Variants in OVCH1 observed in about 807,000 individuals in gnomAD.
The protein encoded by OVCH1 is ovochymase 1.
Under a neutral mutation model 138.4 loss-of-function variants are expected in OVCH1, and 139 were observed. The ratio of observed to expected loss-of-function variants is 1.00; its 90% CI spans 0.87 to 1.16. The LOEUF (loss-of-function observed/expected upper bound fraction) is 1.16, where lower values mean the gene tolerates loss of function less well. Ranked by LOEUF, OVCH1 falls within the 50% of genes most tolerant of loss-of-function variation. The pLI is 0.00. For synonymous variants in OVCH1, 453 were observed against 467.8 expected (o/e 0.97, Z 0.41); for missense variants, 1,367 against 1,357.9 (o/e 1.01, Z -0.11).
chr12:29,468,369 AG>A (rs1464269357), intron 16 of OVCH1, among the ~76,000 whole-genome samples: 1 of 152,200 alleles, frequency 6.6e-6, no homozygotes, highest in Non-Finnish European at 1.5e-5. Flanking sequence ...GTGACTAACA[AG>A]TGGCTCACAA....
At chr12:29,473,625 C>T (rs1204031429) in intron 14 of OVCH1, among the ~76,000 whole-genome samples, 2 of 152,056 alleles carry the variant, frequency 1.3e-5, no homozygotes, top group Non-Finnish European at 2.9e-5. Flanking sequence ...TTACATTTCT[C>T]TATCATCTAG....
At chr12:29,463,774 T>A (rs1235402388) in intron 18 of OVCH1, among the ~76,000 whole-genome samples, 1 of 152,184 alleles carries the variant, frequency 6.6e-6, no homozygotes, top group East Asian at 1.9e-4. Flanking sequence ...GGTAGCACAG[T>A]AAGCTGTCAA....
At chr12:29,439,702 G>C (rs1941439093) in intron 25 of OVCH1, among the ~76,000 whole-genome samples, 151 bp downstream of exon 26, 2 of 152,058 alleles carry the variant, frequency 1.3e-5, no homozygotes, top group Admixed American at 6.6e-5. Context: ...TCACAAGACT[G>C]CTCTCACTCC....
At chr12:29,426,448 A>AAAG, downstream of OVCH1, among the ~76,000 whole-genome samples, 1 of 152,314 alleles carries the variant, frequency 6.6e-6, no homozygotes, top group South Asian at 2.1e-4. Context: ...GAGAAACTGA[A>AAAG]AAGTCCCAAA....
At chr12:29,443,463 T>C in exon 25 of OVCH1, 1 of 1,609,460 alleles carries the variant, frequency 6.2e-7, no homozygotes, top group Non-Finnish European at 8.5e-7. Flanking sequence ...TTAAGCTGAA[T>C]GATGTGATTT....
intron 8 of OVCH1, among the ~76,000 whole-genome samples, chr12:29,479,925 G>A (rs1942875010): frequency 6.7e-6 from 1 of 149,468 alleles, no homozygotes; most frequent in Admixed American, 6.8e-5. Flanking sequence ...CCAGGTTCAA[G>A]CGATTCTTCT....
chr12:29,481,016 C>CTGTA (rs1942913918), intron 8 of OVCH1, among the ~76,000 whole-genome samples: 1 of 152,084 alleles, frequency 6.6e-6, no homozygotes, highest in Non-Finnish European at 1.5e-5. Flanking sequence ...CTGGCAGAAT[C>CTGTA]TGTATACACT....
intron 18 of OVCH1, among the ~76,000 whole-genome samples, chr12:29,463,881 T>G (rs1942224749): frequency 6.6e-6 from 1 of 152,034 alleles, no homozygotes; most frequent in Non-Finnish European, 1.5e-5. Context: ...ACAAAGAAAA[T>G]GATCTTGTAT....
chr12:29,456,953 C>G (rs1427685260), intron 19 of OVCH1, among the ~76,000 whole-genome samples: 2 of 152,174 alleles, frequency 1.3e-5, no homozygotes, highest in Admixed American at 1.3e-4. Flanking sequence ...TAGGACCAAA[C>G]TAAGTCCTTT....
At chr12:29,473,710 C>G (rs1250379737) in intron 14 of OVCH1, among the ~76,000 whole-genome samples, 1 of 152,092 alleles carries the variant, frequency 6.6e-6, no homozygotes, top group Admixed American at 6.6e-5. Context: ...TACTGAGTGT[C>G]AACTTGATTG....
intron 22 of OVCH1, 47 bp downstream of exon 22, chr12:29,451,298 A>C: frequency 4.0e-6 from 6 of 1,492,898 alleles, no homozygotes; most frequent in Non-Finnish European, 5.5e-6. Flanking sequence ...AGCTGCCTAC[A>C]TGGACCAAGA....
chr12:29,480,414 G>T (rs370123506), intron 8 of OVCH1, among the ~76,000 whole-genome samples: 1 of 152,106 alleles, frequency 6.6e-6, no homozygotes, highest in Non-Finnish European at 1.5e-5. Context: ...TTCTCAAATT[G>T]TTCCATCATC....
intron 27 of OVCH1, among the ~76,000 whole-genome samples, chr12:29,430,606 C>G (rs1941251518): frequency 6.6e-6 from 1 of 151,952 alleles, no homozygotes; most frequent in South Asian, 2.1e-4. Flanking sequence ...AGCTGACAGT[C>G]ACAGACCTCA....
chr12:29,483,021 G>A (rs1942982730), intron 8 of OVCH1, among the ~76,000 whole-genome samples: 1 of 152,170 alleles, frequency 6.6e-6, no homozygotes, highest in African/African-American at 2.4e-5. Context: ...TTAGTTTTCA[G>A]CTCTGCAATT....
chr12:29,410,417 C>A (rs1208526815), downstream of OVCH1, among the ~76,000 whole-genome samples: 1 of 151,498 alleles, frequency 6.6e-6, no homozygotes, highest in Non-Finnish European at 1.5e-5. Flanking sequence ...ATGGTCTTTA[C>A]ATTTTGGCAT....
At chr12:29,407,000 A>C in the OVCH1 span, among the ~76,000 whole-genome samples, 139 of 151,588 alleles carry the variant, frequency 9.2e-4, 1 homozygote, top group East Asian at 9.1e-3. Flanking sequence ...TTGCCATTCT[A>C]ACTGGTGTGA....
intron 26 of OVCH1, among the ~76,000 whole-genome samples, chr12:29,436,351 CTCAG>C (rs1345225052): frequency 6.7e-6 from 1 of 148,880 alleles, no homozygotes; most frequent in Non-Finnish European, 1.5e-5. Context: ...CAAGTTATAC[CTCAG>C]TGAGATGAAA....
intron 22 of OVCH1, among the ~76,000 whole-genome samples, chr12:29,446,849 G>C (rs1157715394): frequency 6.6e-6 from 1 of 151,774 alleles, no homozygotes; most frequent in Non-Finnish European, 1.5e-5. Context: ...TCTGACCTCA[G>C]AATGCGGAAT....
In OVCH1 at chr12:29,455,350, TA is replaced by T; in HGVS notation, c.2335del (p.Tyr779MetfsTer22). On this transcript the variant is annotated frameshift_variant, in exon 20 of 28. Transcript: ENST00000318184. LOFTEE classifies it high-confidence loss of function. ...GCCAGCTCCCCAGCTGACAATGCCA[TA>T]GAGGACAAAGGGACCATTTTCATGT... 1.2e-6 allele frequency: 2 copies of T among 1,613,862 alleles called. No individual in the cohort carries two copies. The highest frequency in any genetic ancestry group is 1.7e-6 in the Non-Finnish European group (2 of 1,179,780).
Sources: allele counts gnomAD v4.1 joint callset (sites outside exome capture counted in the v4.1 genomes callset), GRCh38; gene constraint gnomAD v4.1.1; transcripts MANE v1.5; gene names NCBI Gene and HGNC (gene_info 2026-07-23, HGNC 2026-07-21).